CNTNAP2: variants seen among roughly 807,000 people sequenced by gnomAD.
CNTNAP2 encodes contactin associated protein 2.
In CNTNAP2, 98 loss-of-function variants were observed where a neutral mutation model predicts 155.2. The ratio of observed to expected loss-of-function variants is 0.63; its 90% CI spans 0.54 to 0.75. CNTNAP2 has a LOEUF of 0.75. CNTNAP2 is among the 30% of genes least tolerant of loss of function. The pLI is 0.00. For missense variants in CNTNAP2, 1,727 were observed against 1,688.1 expected, an observed-to-expected ratio of 1.02 and a Z score of -0.40; for synonymous variants, 651 against 631.2, an observed-to-expected ratio of 1.03 and a Z score of -0.47.
intron 21 of CNTNAP2, among the ~76,000 whole-genome samples, chr7:148,305,222 C>CAAAA (rs34005083): frequency 1.7e-3 from 90 of 51,938 alleles, no homozygotes; most frequent in African/African-American, 6.4e-3. Flanking sequence ...GGCCCTGTCT[C>CAAAA]AAAAAAAAAA....
chr7:146,358,700 C>A (rs1368828578), intron 1 of CNTNAP2, among the ~76,000 whole-genome samples: 1 of 152,078 alleles, frequency 6.6e-6, no homozygotes, highest in African/African-American at 2.4e-5. Context: ...TGGTCTTTTT[C>A]TAATTTCAAA....
intron 3 of CNTNAP2, among the ~76,000 whole-genome samples, chr7:146,946,822 C>T (rs1797186566): frequency 6.8e-6 from 1 of 146,678 alleles, no homozygotes. Flanking sequence ...AACTCAAAAA[C>T]TGCAATTACT....
At chr7:147,071,268 T>C (rs1799885933) in intron 4 of CNTNAP2, among the ~76,000 whole-genome samples, 2 of 149,874 alleles carry the variant, frequency 1.3e-5, no homozygotes, top group African/African-American at 2.5e-5. Flanking sequence ...TTTTAACAAA[T>C]AATGAAGTGA....
intron 8 of CNTNAP2, among the ~76,000 whole-genome samples, chr7:147,149,611 A>G (rs1801783954): frequency 6.6e-6 from 1 of 152,172 alleles, no homozygotes; most frequent in South Asian, 2.1e-4. Flanking sequence ...ATGATTTTTA[A>G]AAGATAGCTC....
At chr7:148,232,316 T>C (rs1480085464) in intron 20 of CNTNAP2, among the ~76,000 whole-genome samples, 1 of 152,244 alleles carries the variant, frequency 6.6e-6, no homozygotes, top group Non-Finnish European at 1.5e-5. Flanking sequence ...ATTCGGAAAG[T>C]GCTTTGCAAC....
At chr7:148,288,148 G>A (rs1291542661) in intron 21 of CNTNAP2, among the ~76,000 whole-genome samples, 1 of 145,262 alleles carries the variant, frequency 6.9e-6, no homozygotes, top group Non-Finnish European at 1.5e-5. Context: ...CGCCCGGGCT[G>A]GAGTGCAATG....
intron 2 of CNTNAP2, among the ~76,000 whole-genome samples, chr7:146,835,560 T>G (rs1282360088): frequency 6.6e-6 from 1 of 152,106 alleles, no homozygotes; most frequent in Non-Finnish European, 1.5e-5. Flanking sequence ...ATGAATGATA[T>G]ATGACAATAA....
chr7:147,490,331 G>A (rs1273653419), intron 11 of CNTNAP2, among the ~76,000 whole-genome samples: 1 of 152,192 alleles, frequency 6.6e-6, no homozygotes, highest in Non-Finnish European at 1.5e-5. Context: ...GCCAATGTTA[G>A]AGAAAAATTT....
chr7:146,715,186 C>T lies in CNTNAP2; in HGVS notation c.98-59085C>T, dbSNP rs548978130. ...TCTCTACTAAAAATACAAAAATTAC[C>T]CGGTTGTGGTGGTGGGCACCTATAA... On this transcript the variant is annotated intron_variant, in intron 1 of 23. Coordinates refer to ENST00000361727, the MANE Select transcript of CNTNAP2 (RefSeq NM_014141.6). 5.5e-4 allele frequency among the ~76,000 whole-genome samples: 83 copies of T among 152,096 alleles called. No individual in the cohort carries two copies. In the East Asian group the frequency reaches 0.015, roughly 28 times the overall value.
At chr7:146,669,344 C>T (rs900375850) in intron 1 of CNTNAP2, among the ~76,000 whole-genome samples, 1 of 152,080 alleles carries the variant, frequency 6.6e-6, no homozygotes, top group Non-Finnish European at 1.5e-5. Context: ...GAATAGAAAC[C>T]TATTTAATTT....
intron 14 of CNTNAP2, among the ~76,000 whole-genome samples, chr7:147,911,920 C>A (rs1800074046): frequency 6.6e-6 from 1 of 152,098 alleles, no homozygotes; most frequent in South Asian, 2.1e-4. Flanking sequence ...CACGGTGGTA[C>A]AATTTCTTTT....
At chr7:147,600,645 CTT>C (rs1249505143) in intron 12 of CNTNAP2, among the ~76,000 whole-genome samples, 1 of 152,182 alleles carries the variant, frequency 6.6e-6, no homozygotes, top group Non-Finnish European at 1.5e-5. Flanking sequence ...TTCCCTCTCT[CTT>C]GTTGGTTGTC....
intron 1 of CNTNAP2, among the ~76,000 whole-genome samples, chr7:146,766,078 G>A (rs978654880): frequency 2.6e-5 from 4 of 152,124 alleles, no homozygotes; most frequent in African/African-American, 9.7e-5. Context: ...AGCCTTCAGG[G>A]CATGGCAAAA....
intron 3 of CNTNAP2, among the ~76,000 whole-genome samples, chr7:147,008,770 A>G (rs901629449): frequency 6.6e-6 from 1 of 152,144 alleles, no homozygotes; most frequent in Non-Finnish European, 1.5e-5. Context: ...CTAATGGTAG[A>G]TAAAGCCTAG....
At chr7:146,541,226 G>T (rs1034981142) in intron 1 of CNTNAP2, among the ~76,000 whole-genome samples, 8 of 151,920 alleles carry the variant, frequency 5.3e-5, no homozygotes, top group African/African-American at 1.9e-4. Flanking sequence ...CAAGGGTTTT[G>T]GTGAGAGAAG....
intron 15 of CNTNAP2, among the ~76,000 whole-genome samples, chr7:148,022,283 C>A (rs554064298): frequency 1.3e-5 from 2 of 151,950 alleles, no homozygotes; most frequent in African/African-American, 2.4e-5. Flanking sequence ...GCCCGGGAAA[C>A]GCGGTGAAAC....
At chr7:148,191,275 C>T (rs1188199474) in intron 18 of CNTNAP2, among the ~76,000 whole-genome samples, 6 of 151,142 alleles carry the variant, frequency 4.0e-5, no homozygotes, top group African/African-American at 1.2e-4. Flanking sequence ...TCTCTCTCTC[C>T]CTCTCCTCTT....
chr7:147,826,001 G>T (rs1246413478), intron 13 of CNTNAP2, among the ~76,000 whole-genome samples: 2 of 152,170 alleles, frequency 1.3e-5, no homozygotes, highest in Admixed American at 6.6e-5. Flanking sequence ...TAAAATTAGG[G>T]TGAGAACTTT....
intron 18 of CNTNAP2, among the ~76,000 whole-genome samples, chr7:148,209,737 G>T (rs1795510636): frequency 6.6e-6 from 1 of 152,120 alleles, no homozygotes; most frequent in Non-Finnish European, 1.5e-5. Flanking sequence ...ACTGAAATCA[G>T]ATTATGTCAC....
Sources: allele counts gnomAD v4.1 joint callset (sites outside exome capture counted in the v4.1 genomes callset), GRCh38; gene constraint gnomAD v4.1.1; transcripts MANE v1.5; gene names NCBI Gene and HGNC (gene_info 2026-07-23, HGNC 2026-07-21).